The following RUFY2 variants were observed in gnomAD, a reference collection of about 807,000 sequenced individuals.
RUFY2 encodes RUN and FYVE domain containing 2.
A neutral mutation model predicts 94.4 loss-of-function variants in RUFY2; 49 were observed. That is an observed-to-expected ratio of 0.52 (90% CI 0.41 to 0.66). The LOEUF (loss-of-function observed/expected upper bound fraction) is 0.66, where lower values mean the gene tolerates loss of function less well. RUFY2 is among the 30% of genes least tolerant of loss of function. The pLI is 0.00. For synonymous variants in RUFY2, 255 were observed against 235.7 expected, an observed-to-expected ratio of 1.08 and a Z score of -0.75; for missense variants, 541 against 692.8, an observed-to-expected ratio of 0.78 and a Z score of 2.46.
At chr10:68,394,483 T>A (rs1435103122) in intron 4 of RUFY2, 32 bp from the exon 5 acceptor site, 20 of 1,508,730 alleles carry the variant, frequency 1.3e-5, no homozygotes, top group Non-Finnish European at 1.8e-5. Flanking sequence ...GGACTTTAAA[T>A]CACAAATTTA....
At chr10:68,351,775 G>A (rs1420549670) in intron 16 of RUFY2, among the ~76,000 whole-genome samples, 1 of 150,280 alleles carries the variant, frequency 6.7e-6, no homozygotes, top group Non-Finnish European at 1.5e-5. Context: ...ATGAGGATAC[G>A]GCCTGGCAAG....
intron 13 of RUFY2, among the ~76,000 whole-genome samples, chr10:68,375,350 T>C (rs1418535359): frequency 6.6e-6 from 1 of 151,512 alleles, no homozygotes; most frequent in Non-Finnish European, 1.5e-5. Flanking sequence ...GGAGAAAAGA[T>C]AACTATTGGG....
intron 13 of RUFY2, among the ~76,000 whole-genome samples, chr10:68,369,651 G>A (rs978063894): frequency 6.6e-6 from 1 of 152,322 alleles, no homozygotes; most frequent in South Asian, 2.1e-4. Context: ...GCCAGGAATG[G>A]TGGCTGACAC....
intron 10 of RUFY2, among the ~76,000 whole-genome samples, chr10:68,382,065 T>C (rs977519874): frequency 1.4e-4 from 21 of 151,670 alleles, no homozygotes; most frequent in African/African-American, 5.1e-4. Context: ...TTTTTTTTTT[T>C]TGAGACGGAG....
Position 68,398,197 on chromosome 10 carries a change from A to G in RUFY2, c.297-1316T>C, listed in dbSNP as rs530836314. On this transcript the variant is annotated intron_variant, in intron 3 of 17. Transcript: ENST00000602465. ...TGCCTTCAAAAACATAGGTAACATTATATCTGAATTTTAAAAATCATAACA... is the reference window on the plus strand; with the variant it reads ...TGCCTTCAAAAACATAGGTAACATTGTATCTGAATTTTAAAAATCATAACA... Among the ~76,000 whole-genome samples, 5 of 151,996 alleles carry G rather than the reference A, an allele frequency of 3.3e-5. No individual in the cohort carries two copies. The East Asian group carries it at 9.7e-4, about 29-fold the overall frequency.
intron 15 of RUFY2, among the ~76,000 whole-genome samples, chr10:68,356,006 G>A (rs1055692727): frequency 1.3e-5 from 2 of 151,390 alleles, no homozygotes; most frequent in Non-Finnish European, 2.9e-5. Flanking sequence ...TTTACTATGT[G>A]CCTTTGCATG....
chr10:68,406,623 G>A (rs1167870737), intron 1 of RUFY2: 2 of 851,504 alleles, frequency 2.3e-6, no homozygotes, highest in East Asian at 6.3e-5. Flanking sequence ...AGGCGCGCAA[G>A]GAGTACCAGG....
intron 13 of RUFY2, among the ~76,000 whole-genome samples, chr10:68,368,143 A>G (rs1457556359): frequency 6.6e-6 from 1 of 150,492 alleles, no homozygotes; most frequent in Non-Finnish European, 1.5e-5. Context: ...TTTTTCTTTA[A>G]TTTTTAGTAG....
chr10:68,388,123 A>C (rs1489040136), intron 7 of RUFY2, among the ~76,000 whole-genome samples: 2 of 152,130 alleles, frequency 1.3e-5, no homozygotes, highest in Non-Finnish European at 2.9e-5. Flanking sequence ...ATCATCAAGA[A>C]AAGCACTTTG....
intron 4 of RUFY2, among the ~76,000 whole-genome samples, chr10:68,396,254 T>C (rs537270221): frequency 2.0e-5 from 3 of 152,164 alleles, no homozygotes; most frequent in Non-Finnish European, 2.9e-5. Context: ...CCTCCCACAG[T>C]GCTGGGATTA....
chr10:68,357,229 C>CT (rs1201009679), intron 15 of RUFY2, among the ~76,000 whole-genome samples: 1 of 150,930 alleles, frequency 6.6e-6, no homozygotes, highest in Non-Finnish European at 1.5e-5. Context: ...AGTGGTATAA[C>CT]TTTGTTTTTT....
Position 68,345,834 on chromosome 10 carries a change from T to G in RUFY2, c.1755A>C (p.Lys585Asn). 6.2e-7 allele frequency: 1 copy of G among 1,613,828 alleles called. No individual in the cohort carries two copies. Among genetic ancestry groups the G allele is most frequent in the Non-Finnish European group, 8.5e-7 (1 of 1,179,760 alleles). Residue 585 changes from lysine to asparagine, a missense_variant, in exon 18 of 18, where the codon AAA (lysine) becomes AAC (asparagine). Coordinates refer to ENST00000602465, the MANE Select transcript of RUFY2 (RefSeq NM_001330103.2). Reference sequence around the variant, plus strand: ...GACAGGAATCACAAACCCGTACTGGTTTTGGTGAAGAAGGCAAAGGTAGTT... The same window carrying G: ...GACAGGAATCACAAACCCGTACTGGGTTTGGTGAAGAAGGCAAAGGTAGTT... ...DNELPLPSSPKPVRVCDSCHA... is the reference protein window; with the variant it reads ...DNELPLPSSPNPVRVCDSCHA...
At chr10:68,377,572 C>G in intron 12 of RUFY2, 1 of 985,262 alleles carries the variant, frequency 1.0e-6, no homozygotes, top group Non-Finnish European at 1.2e-6. Context: ...GAATTTGGTG[C>G]CAGTTGGCAT....
downstream of RUFY2, chr10:68,342,577 A>G (rs768964190): frequency 3.9e-5 from 6 of 152,566 alleles, no homozygotes; most frequent in Non-Finnish European, 8.8e-5. Context: ...TATTTTTCAA[A>G]TGTCATTTAT....
intron 7 of RUFY2, among the ~76,000 whole-genome samples, chr10:68,390,311 T>C (rs1255773803): frequency 2.0e-5 from 3 of 152,172 alleles, no homozygotes. Context: ...TTTCTGATTA[T>C]AATACATATT....
chr10:68,349,426 G>C (rs966337279), intron 16 of RUFY2, among the ~76,000 whole-genome samples: 1 of 152,040 alleles, frequency 6.6e-6, no homozygotes, highest in Non-Finnish European at 1.5e-5. Flanking sequence ...AGGCTGAGGG[G>C]GGGAGGATTG....
At chr10:68,348,798 G>C (rs1347393722) in intron 16 of RUFY2, among the ~76,000 whole-genome samples, 1 of 152,114 alleles carries the variant, frequency 6.6e-6, no homozygotes, top group African/African-American at 2.4e-5. Context: ...TGAGCACCTG[G>C]AGCCCTCTCA....
rs1386062150 is a variant in RUFY2, at chr10:68,343,461, T to G, written c.*2307A>C. 1 of 152,588 alleles carries G rather than the reference T, an allele frequency of 6.6e-6. No individual in the cohort carries two copies. Among genetic ancestry groups the G allele is most frequent in the Non-Finnish European group, 1.5e-5 (1 of 68,010 alleles). The allele number at this position is 152,588 out of a possible 1,614,324, so 9.5% of individuals were successfully genotyped here. On this transcript the variant is annotated 3_prime_UTR_variant, in exon 18 of 18. Transcript: ENST00000602465. ...TCCCAGGATTACTCTCTTAACATCT[T>G]AAAGCAGTAAAAGTATACAGTATTA...
At position 68,404,746 on chromosome 10, in the gene RUFY2, T is replaced by G. The variant is rs752112534; in HGVS notation, c.103A>C (p.Thr35Pro). The change falls in exon 2 of 18, where the codon ACT becomes CCT. Residue 35 changes from threonine (T) to proline (P), a missense_variant. By Grantham distance (38) the Thr-to-Pro change is conservative (BLOSUM62 -1). Transcript: ENST00000602465. Reference protein sequence around the residue: ...LIESALSFGRTLDSDYPPLQQ... With the variant: ...LIESALSFGRPLDSDYPPLQQ... ...AAGGGGGGATAGTCAGAATCCAAAGTGCGGCCAAAGCTCAGAGCAGATTCA... is the reference window on the plus strand; with the variant it reads ...AAGGGGGGATAGTCAGAATCCAAAGGGCGGCCAAAGCTCAGAGCAGATTCA... The G allele has an allele frequency of 1.2e-6, 2 of 1,613,506 alleles. No individual in the cohort carries two copies. The highest frequency in any genetic ancestry group is 2.2e-5 in the East Asian group (1 of 44,816).
Sources: allele counts gnomAD v4.1 joint callset (sites outside exome capture counted in the v4.1 genomes callset), GRCh38; gene constraint gnomAD v4.1.1; transcripts MANE v1.5; gene names NCBI Gene and HGNC (gene_info 2026-07-23, HGNC 2026-07-21).